The following CENPE variants were observed in gnomAD, a reference collection of about 807,000 sequenced individuals.
The protein encoded by CENPE is centromere protein E, also known as centromere-associated protein E.
CENPE carries 145 observed loss-of-function variants against 336.1 expected under a neutral mutation model. The ratio of observed to expected loss-of-function variants is 0.43; its 90% CI spans 0.38 to 0.50. CENPE has a LOEUF of 0.50. Ranked by LOEUF, CENPE falls within the 20% of genes least tolerant of loss-of-function variation. CENPE has a pLI of 0.00. For synonymous variants in CENPE, 1,013 were observed against 984.8 expected, an observed-to-expected ratio of 1.03 and a Z score of -0.54; for missense variants, 2,719 against 3,023.3, an observed-to-expected ratio of 0.90 and a Z score of 2.36.
Position 103,147,459 on chromosome 4 carries a change from A to G in CENPE, c.4031T>C (p.Ile1344Thr). 1 of 1,614,004 alleles carries G rather than the reference A, an allele frequency of 6.2e-7. No individual in the cohort carries two copies. Among genetic ancestry groups the G allele is most frequent in the Non-Finnish European group, 8.5e-7 (1 of 1,179,990 alleles). ...GTCTCTTTCCTTGGTTAGAGATTTT[A>G]TCTCTTCCTGACTTTCTTGAAATTT... The part of the protein sequence containing the change: ...NEKFQESQEE[I>T]KSLTKERDNL... The change falls in exon 29 of 49, where the codon ATA becomes ACA. Residue 1344 changes from isoleucine to threonine, a missense_variant. By Grantham distance (89) the Ile-to-Thr change is moderately conservative. This residue lies in a region of CENPE where 2,437 missense variants were observed against 2,513.3 expected (regional missense o/e 0.97). Coordinates refer to ENST00000265148, the MANE Select transcript of CENPE (RefSeq NM_001813.3).
At chr4:103,173,794 G>C (rs1348040213) in intron 16 of CENPE, among the ~76,000 whole-genome samples, 1 of 151,826 alleles carries the variant, frequency 6.6e-6, no homozygotes, top group Admixed American at 6.6e-5. Flanking sequence ...AATAATCAAG[G>C]AAATGCAAAT....
intron 16 of CENPE, among the ~76,000 whole-genome samples, chr4:103,173,027 A>G (rs1206126638): frequency 1.3e-5 from 2 of 152,008 alleles, no homozygotes; most frequent in African/African-American, 4.8e-5. Context: ...TTCGTATGGA[A>G]CCCCAAAAGA....
chr4:103,184,566 A>C lies in CENPE; in HGVS notation c.745+1244T>G, dbSNP rs1019718914. ...GATCCGACTTAATTTTTTTTCCCAA[A>C]TGGCTATCAATTAATGAATAATCTA... On this transcript the variant is annotated intron_variant, in intron 9 of 48. Transcript: ENST00000265148. 6.1e-4 allele frequency among the ~76,000 whole-genome samples: 93 copies of C among 152,190 alleles called. 1 individual carries two copies. The highest frequency in any genetic ancestry group is 2.2e-3 in the African/African-American group (90 of 41,514).
At chr4:103,191,851 A>G (rs1009032038) in intron 8 of CENPE, among the ~76,000 whole-genome samples, 1 of 152,162 alleles carries the variant, frequency 6.6e-6, no homozygotes. Context: ...AGAACCTTGC[A>G]TAAAGCTCAG....
Position 103,159,065 on chromosome 4 carries a change from T to G in CENPE, c.2546A>C (p.Asn849Thr). The change falls in exon 22 of 49, where the codon AAT (asparagine) becomes ACT (threonine). Residue 849 changes from asparagine (N) to threonine (T), a missense_variant. By Grantham distance (65) the Asn-to-Thr change is moderately conservative. Around this residue, in one of 5 missense-constraint regions of CENPE, gnomAD observed 2,437 missense variants for 2,513.3 expected, o/e 0.97. Transcript: ENST00000265148. Reference sequence around the variant, plus strand: ...AAATTTTTGGGCTTCTTTAGAGAGATTAACTATTTCCTGATTCATTCTCTC... The same window carrying G: ...AAATTTTTGGGCTTCTTTAGAGAGAGTAACTATTTCCTGATTCATTCTCTC... ...ENERMNQEIV[N>T]LSKEAQKFDS... 2 of 1,554,942 alleles carry G rather than the reference T, an allele frequency of 1.3e-6. No individual in the cohort carries two copies. Among genetic ancestry groups the G allele is most frequent in the Non-Finnish European group, 1.7e-6 (2 of 1,157,930 alleles).
chr4:103,149,135 T>C lies in CENPE; in HGVS notation c.3670A>G (p.Arg1224Gly), dbSNP rs752277529. 1.3e-6 allele frequency: 2 copies of C among 1,590,728 alleles called. No homozygotes were observed. Residue 1224 changes from arginine to glycine, a missense_variant, in exon 27 of 49, where the codon AGA (arginine) becomes GGA (glycine). Around this residue, in one of 5 missense-constraint regions of CENPE, gnomAD observed 2,437 missense variants for 2,513.3 expected, o/e 0.97. Coordinates refer to ENST00000265148, the MANE Select transcript of CENPE (RefSeq NM_001813.3). ...TERDHLRGYI[R>G]EIEATGLQTK... The stretch of plus-strand genomic sequence containing the variant: ...TAACTTACTGTAGCTTCAATTTCTC[T>C]TATATATCCTCTAAGGTGGTCTCTC...
At chr4:103,171,685 T>TA (rs1256049598) in intron 16 of CENPE, among the ~76,000 whole-genome samples, 2 of 145,882 alleles carry the variant, frequency 1.4e-5, no homozygotes, top group East Asian at 2.0e-4. Context: ...ATAGGGACTT[T>TA]AAAAAAATCC....
rs75796431 is a variant in CENPE at position 103,105,927 on chromosome 4, T to C, written c.*295A>G. ...TTATGCTTTGGAATATGCTAAGTCA[T>C]GTAGATAACTTTACATTTCTTTCAA... is the stretch of plus-strand genomic sequence containing the variant. On this transcript the variant is annotated 3_prime_UTR_variant, in exon 49 of 49. Coordinates refer to ENST00000265148, the MANE Select transcript of CENPE (RefSeq NM_001813.3). 7.8e-3 allele frequency: 1,613 copies of C among 205,940 alleles called. 30 individuals carry two copies. Among genetic ancestry groups the C allele is most frequent in the African/African-American group, 0.035 (1,518 of 43,746 alleles). The allele number at this position is 205,940 out of a possible 1,614,324, so 12.8% of individuals were successfully genotyped here.
chr4:103,171,525 A>G (rs1385710096), intron 16 of CENPE, among the ~76,000 whole-genome samples: 2 of 152,042 alleles, frequency 1.3e-5, no homozygotes, highest in African/African-American at 4.8e-5. Context: ...GTTCTAAAAG[A>G]GAAGTTTATA....
At chr4:103,156,796 G>A (rs1423796980) in intron 24 of CENPE, among the ~76,000 whole-genome samples, 2 of 151,992 alleles carry the variant, frequency 1.3e-5, no homozygotes, top group African/African-American at 4.8e-5. Context: ...AAAGACAGCC[G>A]ATGGAATGGG....
At chr4:103,192,889 A>G (rs976031277) in intron 8 of CENPE, among the ~76,000 whole-genome samples, 1 of 152,196 alleles carries the variant, frequency 6.6e-6, no homozygotes, top group Non-Finnish European at 1.5e-5. Flanking sequence ...AACTTGAGTA[A>G]GAAACGTCAC....
chr4:103,191,830 G>GAA (rs760078154), intron 8 of CENPE, among the ~76,000 whole-genome samples: 1 of 150,686 alleles, frequency 6.6e-6, no homozygotes, highest in South Asian at 2.1e-4. Context: ...CGTAAAACTG[G>GAA]AAAAAAAAAG....
intron 38 of CENPE, among the ~76,000 whole-genome samples, chr4:103,139,467 C>T (rs921421170): frequency 6.6e-6 from 1 of 151,986 alleles, no homozygotes; most frequent in Non-Finnish European, 1.5e-5. Flanking sequence ...TATTTGCTCT[C>T]TTACAAATCT....
At position 103,144,023 on chromosome 4, in the gene CENPE, G is replaced by A. The variant is rs2615541; in HGVS notation, c.5145+308C>T. 0.16 allele frequency among the ~76,000 whole-genome samples: 24,501 copies of A among 151,844 alleles called. 2,338 individuals carry two copies. The highest frequency in any genetic ancestry group is 0.2 in the Non-Finnish European group (13,735 of 67,890). ...GCGATCTTGGCTCACTGCAACCTCC[G>A]CCTCCTGGGTTCACGCCATTCTCCT... On this transcript the variant is annotated intron_variant, in intron 33 of 48. Coordinates refer to ENST00000265148, the MANE Select transcript of CENPE (RefSeq NM_001813.3).
chr4:103,127,779 T>C (rs977408982), intron 42 of CENPE, among the ~76,000 whole-genome samples: 1 of 152,082 alleles, frequency 6.6e-6, no homozygotes, highest in African/African-American at 2.4e-5. Context: ...GATAGAAGTG[T>C]AGTTGTATGC....
rs757447750 is a variant in CENPE, at chr4:103,151,304, T to C, written c.3311A>G (p.Glu1104Gly). 1 of 1,606,806 alleles carries C rather than the reference T, an allele frequency of 6.2e-7. No homozygotes were observed. Among genetic ancestry groups the C allele is most frequent in the African/African-American group, 1.3e-5 (1 of 74,398 alleles). Residue 1104 changes from glutamate (E) to glycine (G), a missense_variant, in exon 26 of 49, where the codon GAA (glutamate) becomes GGA (glycine). Glu to Gly is a moderately conservative substitution (Grantham distance 98). This residue lies in a region of CENPE where 2,437 missense variants were observed against 2,513.3 expected (regional missense o/e 0.97). Transcript: ENST00000265148. ...TTCTTTCTTTATGGCATGGTTCTTT[T>C]CTTGTGCAACTATCTCTTGTTGCTT... is the stretch of plus-strand genomic sequence containing the variant. ...LKKQQEIVAQ[E>G]KNHAIKKEGE...
At chr4:103,188,241 C>T (rs565522107) in intron 8 of CENPE, among the ~76,000 whole-genome samples, 25 of 152,280 alleles carry the variant, frequency 1.6e-4, no homozygotes, top group South Asian at 6.2e-4. Context: ...ATCAACGAGA[C>T]AGAAAGTTAA....
At chr4:103,197,552 T>C (rs1224594798) in intron 1 of CENPE, among the ~76,000 whole-genome samples, 4 of 152,230 alleles carry the variant, frequency 2.6e-5, no homozygotes, top group Admixed American at 2.0e-4. Context: ...GGTATTTGCA[T>C]TTATTAAACC....
At position 103,140,864 on chromosome 4, in the gene CENPE, T is replaced by G; in HGVS notation, c.5704A>C (p.Lys1902Gln). ...TCCTTGAGTTGGTCTCTCTCCAGTT[T>G]GAGTGTCTCCTCTACTCTTCTTAGA... is the stretch of plus-strand genomic sequence containing the variant. ...DNLRRVEETLKLERDQLKESL... is the reference protein window; with the variant it reads ...DNLRRVEETLQLERDQLKESL... Residue 1902 changes from lysine (K) to glutamine (Q), a missense_variant, in exon 36 of 49, where the codon AAA becomes CAA. Physicochemically the swap from Lys to Gln is moderately conservative, Grantham distance 53. Transcript: ENST00000265148. The G allele has an allele frequency of 2.5e-6, 4 of 1,607,568 alleles. No homozygotes were observed. Among genetic ancestry groups the G allele is most frequent in the Non-Finnish European group, 3.4e-6 (4 of 1,178,256 alleles).
Sources: allele counts gnomAD v4.1 joint callset (sites outside exome capture counted in the v4.1 genomes callset), GRCh38; gene constraint gnomAD v4.1.1; regional missense constraint gnomAD v4.1.1; transcripts MANE v1.5; gene names NCBI Gene and HGNC (gene_info 2026-07-23, HGNC 2026-07-21).